The following BAIAP2 variants were observed in gnomAD, a reference collection of about 807,000 sequenced individuals.
BAIAP2 encodes BAR/IMD domain containing adaptor protein 2.
Under a neutral mutation model 63.0 loss-of-function variants are expected in BAIAP2, and 18 were observed. The ratio of observed to expected loss-of-function variants is 0.29; its 90% CI spans 0.20 to 0.42. BAIAP2 has a LOEUF of 0.42. Ranked by LOEUF, BAIAP2 falls within the 10% of genes least tolerant of loss-of-function variation. The probability of loss-of-function intolerance (pLI) is 1.00; values close to 1 mark genes in which losing one functional copy is unlikely to be tolerated. For synonymous variants in BAIAP2, 386 were observed against 307.6 expected (o/e 1.25, Z -2.67); for missense variants, 610 against 734.3 (o/e 0.83, Z 1.96).
chr17:81,070,569 CG>C (rs1256705219), intron 3 of BAIAP2, among the ~76,000 whole-genome samples: 1 of 152,280 alleles, frequency 6.6e-6, no homozygotes, highest in East Asian at 1.9e-4. Flanking sequence ...CTAGTGGACG[CG>C]GGGGCAGGAG....
intron 3 of BAIAP2, among the ~76,000 whole-genome samples, chr17:81,072,846 C>T (rs1433051580): frequency 6.6e-6 from 1 of 152,042 alleles, no homozygotes; most frequent in African/African-American, 2.4e-5. Context: ...ACCCCCAGTC[C>T]TTGCTCTGGG....
Position 81,103,565 on chromosome 17 carries a change from A to G in BAIAP2, c.706A>G (p.Ile236Val). Residue 236 changes from isoleucine (I) to valine (V), a missense_variant, in exon 8 of 14, where the codon ATC becomes GTC. Physicochemically the swap from Ile to Val is conservative, Grantham distance 29 (BLOSUM62 3). Around this residue, in one of 5 missense-constraint regions of BAIAP2, gnomAD observed 389 missense variants for 455.6 expected, o/e 0.85. Coordinates refer to ENST00000428708, the MANE Select transcript of BAIAP2 (RefSeq NM_001144888.2). ...ACAGGCCTGTGCCGACCCCAGCAAGATCCCGGAGCGCGCGGTGCAGCTCAT... is the reference window on the plus strand; with the variant it reads ...ACAGGCCTGTGCCGACCCCAGCAAGGTCCCGGAGCGCGCGGTGCAGCTCAT... ...WQQACADPSK[I>V]PERAVQLMQQ... is the part of the protein sequence containing the mutation. 6.2e-7 allele frequency: 1 copy of G among 1,601,522 alleles called. No homozygotes were observed. Among genetic ancestry groups the G allele is most frequent in the Non-Finnish European group, 8.5e-7 (1 of 1,178,912 alleles).
rs2058774262 is a variant in BAIAP2, at chr17:81,103,653, T to C, written c.794T>C (p.Leu265Pro). The change falls in exon 8 of 14, where the codon CTG (leucine) becomes CCG (proline). Residue 265 changes from leucine (L) to proline (P), a missense_variant. Leu to Pro is a moderately conservative substitution (Grantham distance 98). Transcript: ENST00000428708. ...GCCCTGTCGGCCTCCAAGTCCAACC[T>C]GGTCATTTCCGACCCCATTCCGGGG... ...PSALSASKSN[L>P]VISDPIPGAK... The C allele has an allele frequency of 6.2e-7, 1 of 1,603,442 alleles. No homozygotes were observed. The highest frequency in any genetic ancestry group is 1.3e-5 in the African/African-American group (1 of 74,792).
intron 3 of BAIAP2, among the ~76,000 whole-genome samples, chr17:81,066,750 G>C (rs1450644242): frequency 6.6e-6 from 1 of 152,202 alleles, no homozygotes; most frequent in Non-Finnish European, 1.5e-5. Context: ...AGGGCCTCCT[G>C]CTCTCTGTGA....
chr17:81,092,014 C>T (rs895389296), intron 6 of BAIAP2, among the ~76,000 whole-genome samples: 15 of 152,384 alleles, frequency 9.8e-5, no homozygotes, highest in Middle Eastern at 6.8e-3. Context: ...TCAGCTGCCG[C>T]TGATGAAGGG....
chr17:81,057,590 A>C, intron 2 of BAIAP2: 9 of 1,075,406 alleles, frequency 8.4e-6, no homozygotes, highest in Admixed American at 5.1e-5. Flanking sequence ...CCTGCCTGGT[A>C]GCACGTGATA....
chr17:81,058,061 G>A (rs2049925009), intron 3 of BAIAP2, 94 bp downstream of exon 3: 2 of 1,073,026 alleles, frequency 1.9e-6, no homozygotes, highest in Non-Finnish European at 1.3e-6. Context: ...TTTGATTTGG[G>A]ATCAGGTTTT....
At chr17:81,104,777 C>T (rs570886448) in intron 10 of BAIAP2, 62 bp downstream of exon 10, 78 of 1,477,872 alleles carry the variant, frequency 5.3e-5, no homozygotes, top group South Asian at 1.0e-4. Context: ...TGTGGGGCAG[C>T]GACACTCAAG....
In BAIAP2 at chr17:81,066,331, T is replaced by C. The variant is rs574815257; in HGVS notation, c.217+8364T>C. The stretch of plus-strand genomic sequence containing the variant: ...TGGGCCAGCCTCAGAATGAGGATGT[T>C]AGCTGGCAGGGGGCATTGTCCCTGC... On this transcript the variant is annotated intron_variant, in intron 3 of 13. Transcript: ENST00000428708. 8.5e-5 allele frequency among the ~76,000 whole-genome samples: 13 copies of C among 152,346 alleles called. No individual in the cohort carries two copies. In the South Asian group the frequency reaches 2.7e-3, roughly 32 times the overall value.
At chr17:81,100,971 C>A (rs775808016) in intron 7 of BAIAP2, among the ~76,000 whole-genome samples, 2 of 152,182 alleles carry the variant, frequency 1.3e-5, no homozygotes, top group Admixed American at 6.5e-5. Context: ...CTCTGAGAGA[C>A]CCCTCTGCCC....
intron 6 of BAIAP2, among the ~76,000 whole-genome samples, chr17:81,096,499 C>G (rs562561763): frequency 6.6e-6 from 1 of 152,356 alleles, no homozygotes; most frequent in East Asian, 1.9e-4. Flanking sequence ...GCGGGAGGAG[C>G]GGGGCAGGAC....
chr17:81,055,953 G>A (rs1459523266), intron 2 of BAIAP2, among the ~76,000 whole-genome samples: 1 of 152,182 alleles, frequency 6.6e-6, no homozygotes, highest in East Asian at 1.9e-4. Flanking sequence ...ATGAGGTAGT[G>A]GAGGTCGGCA....
At chr17:81,056,746 C>T (rs969070193) in intron 2 of BAIAP2, among the ~76,000 whole-genome samples, 8 of 152,388 alleles carry the variant, frequency 5.2e-5, no homozygotes, top group African/African-American at 1.9e-4. Flanking sequence ...GCTCGGCCGT[C>T]CAGGCAGCAC....
intron 13 of BAIAP2, among the ~76,000 whole-genome samples, chr17:81,114,509 C>A (rs778953242): frequency 3.3e-5 from 5 of 152,214 alleles, no homozygotes; most frequent in Non-Finnish European, 5.9e-5. Flanking sequence ...ATCCAGCAGA[C>A]CCTGAGGCTC....
chr17:81,108,091 C>CG (rs1568189118), intron 12 of BAIAP2: 1 of 294,374 alleles, frequency 3.4e-6, no homozygotes, highest in African/African-American at 2.2e-5. Context: ...TACAAGCAGG[C>CG]GGAGGAGTCC....
At chr17:81,110,594 G>GT (rs1292627671) in intron 13 of BAIAP2, 2 of 1,224,882 alleles carry the variant, frequency 1.6e-6, no homozygotes, top group Admixed American at 7.9e-5. Context: ...CCTCTGCCAG[G>GT]TATTTTCTCG....
At chr17:81,113,982 T>TTTA (rs2060213294) in intron 13 of BAIAP2, among the ~76,000 whole-genome samples, 1 of 101,296 alleles carries the variant, frequency 9.9e-6, no homozygotes, top group Non-Finnish European at 2.0e-5. Flanking sequence ...TTTTTTTTTT[T>TTTA]GAGACAGGGT....
chr17:81,060,407 T>A (rs2050346575), intron 3 of BAIAP2, among the ~76,000 whole-genome samples: 1 of 152,226 alleles, frequency 6.6e-6, no homozygotes, highest in Admixed American at 6.5e-5. Context: ...CTCTCCGGAC[T>A]GGCCCATTCT....
chr17:81,094,357 C>A (rs1432085912), intron 6 of BAIAP2, among the ~76,000 whole-genome samples: 1 of 152,158 alleles, frequency 6.6e-6, no homozygotes, highest in African/African-American at 2.4e-5. Context: ...CTGTTGGGAC[C>A]TGTTGTTCCT....
Sources: allele counts gnomAD v4.1 joint callset (sites outside exome capture counted in the v4.1 genomes callset), GRCh38; gene constraint gnomAD v4.1.1; regional missense constraint gnomAD v4.1.1; transcripts MANE v1.5; gene names NCBI Gene and HGNC (gene_info 2026-07-23, HGNC 2026-07-21).